Variants in XPO1 observed in about 807,000 individuals in gnomAD.
The protein encoded by XPO1 is exportin-1.
XPO1 carries 5 observed loss-of-function variants against 133.3 expected under a neutral mutation model. The ratio of observed to expected loss-of-function variants is 0.04; its 90% CI spans 0.02 to 0.08. The LOEUF (loss-of-function observed/expected upper bound fraction) is 0.08, where lower values mean the gene tolerates loss of function less well. Ranked by LOEUF, XPO1 falls within the 10% of genes least tolerant of loss-of-function variation. The probability of loss-of-function intolerance (pLI) is 1.00; values close to 1 mark genes in which losing one functional copy is unlikely to be tolerated. For synonymous variants in XPO1, 419 were observed against 408.2 expected (o/e 1.03, Z -0.32); for missense variants, 506 against 1,267.5 (o/e 0.40, Z 9.12).
intron 11 of XPO1, 82 bp from the exon 12 acceptor site, chr2:61,494,173 G>A (rs1319907067): frequency 7.7e-7 from 1 of 1,291,396 alleles, no homozygotes; most frequent in Non-Finnish European, 1.1e-6. Flanking sequence ...CACCTTAAGG[G>A]AAAATAAAAA....
intron 4 of XPO1, among the ~76,000 whole-genome samples, chr2:61,521,103 A>G (rs899934037): frequency 5.9e-5 from 9 of 152,222 alleles, no homozygotes; most frequent in Non-Finnish European, 1.5e-5. Context: ...AACCTCTTTT[A>G]GGGCACATTA....
intron 1 of XPO1, among the ~76,000 whole-genome samples, chr2:61,535,221 G>C (rs1017803722): frequency 6.6e-6 from 1 of 152,058 alleles, no homozygotes; most frequent in Non-Finnish European, 1.5e-5. Flanking sequence ...AAACCTAATT[G>C]GTTAAGTCAG....
intron 21 of XPO1, 184 bp downstream of exon 21, chr2:61,483,753 C>G (rs1254972739): frequency 1.6e-6 from 1 of 614,110 alleles, no homozygotes; most frequent in Non-Finnish European, 2.7e-6. Flanking sequence ...TCAATTCTGC[C>G]TATGGACTCA....
intron 4 of XPO1, among the ~76,000 whole-genome samples, chr2:61,514,319 G>C (rs1282246940): frequency 1.3e-5 from 2 of 152,236 alleles, no homozygotes; most frequent in East Asian, 3.9e-4. Flanking sequence ...AAGGCTGGGC[G>C]TGGTGGCTCA....
At position 61,528,733 on chromosome 2, in the gene XPO1, T is replaced by A. The variant is rs866135929; in HGVS notation, c.127-2212A>T. ...AGATCCAGCCATGTCGACATTTTAT[T>A]TATATATATATATATATATATATAT... is the stretch of plus-strand genomic sequence containing the variant. On this transcript the variant is annotated intron_variant, in intron 2 of 24. Coordinates refer to ENST00000401558, the MANE Select transcript of XPO1 (RefSeq NM_003400.4). 6.0e-4 allele frequency among the ~76,000 whole-genome samples: 70 copies of A among 115,736 alleles called. 1 individual carries two copies. Among genetic ancestry groups the A allele is most frequent in the Middle Eastern group, 4.4e-3 (1 of 228 alleles). The allele number at this position is 115,736 out of a possible 152,430, so 75.9% of individuals were successfully genotyped here.
chr2:61,486,057 A>T (rs2104354229), intron 19 of XPO1, 95 bp from the exon 20 acceptor site: 1 of 1,155,442 alleles, frequency 8.7e-7, no homozygotes, highest in Non-Finnish European at 1.2e-6. Flanking sequence ...ATGTAGCATG[A>T]TCATCTACTG....
chr2:61,535,911 T>C (rs1005781557), intron 1 of XPO1, among the ~76,000 whole-genome samples: 6 of 152,232 alleles, frequency 3.9e-5, no homozygotes, highest in African/African-American at 1.4e-4. Context: ...ACAATCTTAA[T>C]TATTTGAGGC....
At position 61,478,718 on chromosome 2, in the gene XPO1, A is replaced by G; in HGVS notation, c.*102T>C. On this transcript the variant is annotated 3_prime_UTR_variant, in exon 25 of 25. Coordinates refer to ENST00000401558, the MANE Select transcript of XPO1 (RefSeq NM_003400.4). ...ATAAGAAAAAGGGCCACTAGGTGAC[A>G]TTTTAATTTACAAATTGGCATCATT... 1 of 1,284,348 alleles carries G rather than the reference A, an allele frequency of 7.8e-7. No homozygotes were observed. Among genetic ancestry groups the G allele is most frequent in the Non-Finnish European group, 1.1e-6 (1 of 949,114 alleles). The allele number at this position is 1,284,348 out of a possible 1,614,324, so 79.6% of individuals were successfully genotyped here.
chr2:61,532,537 A>G lies in XPO1; in HGVS notation c.126+1235T>C, dbSNP rs192174606. Among the ~76,000 whole-genome samples, 415 of 151,964 alleles carry G rather than the reference A, an allele frequency of 2.7e-3. 1 individual carries two copies. The highest frequency in any genetic ancestry group is 9.3e-3 in the African/African-American group (387 of 41,432). ...AGAAATCTACTGTTCTGGCAACAAAACTACCATAAAAGATTTCTGGCCAGG... is the reference window on the plus strand; with the variant it reads ...AGAAATCTACTGTTCTGGCAACAAAGCTACCATAAAAGATTTCTGGCCAGG... On this transcript the variant is annotated intron_variant, in intron 2 of 24. Transcript: ENST00000401558.
At chr2:61,495,385 A>AG (rs150416626) in intron 11 of XPO1, 70 bp downstream of exon 11, 2 of 1,195,464 alleles carry the variant, frequency 1.7e-6, no homozygotes, top group African/African-American at 6.6e-5. Context: ...TACATTTTAG[A>AG]AAAAGGCACT....
At chr2:61,487,771 A>T (rs552398265) in intron 19 of XPO1, among the ~76,000 whole-genome samples, 52 of 152,202 alleles carry the variant, frequency 3.4e-4, no homozygotes, top group Admixed American at 5.9e-4. Flanking sequence ...TCAGGCCTTT[A>T]ATCTGGGAAG....
chr2:61,483,660 C>G (rs1050152801), intron 21 of XPO1: 1 of 297,710 alleles, frequency 3.4e-6, no homozygotes, highest in Non-Finnish European at 6.1e-6. Flanking sequence ...TCAGCTGATT[C>G]TATATGAACT....
chr2:61,527,105 G>A (rs1277616346), intron 2 of XPO1, among the ~76,000 whole-genome samples: 1 of 152,112 alleles, frequency 6.6e-6, no homozygotes, highest in Non-Finnish European at 1.5e-5. Flanking sequence ...AAACTGAACT[G>A]CATTTCAACC....
chr2:61,491,989 C>T lies in XPO1; in HGVS notation c.1887+46G>A, dbSNP rs369850869. 1.5e-5 allele frequency: 24 copies of T among 1,600,366 alleles called. No individual in the cohort carries two copies. The African/African-American group carries it at 2.5e-4, about 17-fold the overall frequency. ...TTCCATTGATACATACAGATTGATA[C>T]AAGTGTTACTTTCTAAAAATAACAT... On this transcript the variant is annotated intron_variant, in intron 16 of 24. Transcript: ENST00000401558.
chr2:61,488,418 C>A, intron 18 of XPO1, 147 bp from the exon 19 acceptor site: 1 of 1,196,318 alleles, frequency 8.4e-7, no homozygotes, highest in Non-Finnish European at 1.2e-6. Context: ...AGCTTTAAGA[C>A]TAATTTTAAA....
At chr2:61,500,681 C>A (rs1697467746) in intron 6 of XPO1, among the ~76,000 whole-genome samples, 1 of 151,620 alleles carries the variant, frequency 6.6e-6, no homozygotes, top group Admixed American at 6.6e-5. Flanking sequence ...GGCCAGTAGT[C>A]TCAGCTACTG....
At chr2:61,536,308 G>T (rs1362631789) in intron 1 of XPO1, 2 of 152,176 alleles carry the variant, frequency 1.3e-5, no homozygotes, top group African/African-American at 4.8e-5. Context: ...TCCACTAACA[G>T]CAGTGTCCCA....
At chr2:61,501,728 A>AAAAAAAAAAAAAAAAAAAAAAAAAAAAG (rs1558649299) in intron 6 of XPO1, among the ~76,000 whole-genome samples, 8 of 138,234 alleles carry the variant, frequency 5.8e-5, no homozygotes, top group African/African-American at 1.6e-4. Context: ...CTCCAAAAAA[A>AAAAAAAAAAAAAAAAAAAAAAAAAAAAG]AAAAAAAAAG....
intron 21 of XPO1, chr2:61,483,315 G>A (rs1218187064): frequency 2.1e-6 from 1 of 465,160 alleles, no homozygotes; most frequent in East Asian, 4.0e-5. Context: ...GAGCTAAACT[G>A]TGAAGATGTA....
Sources: gnomAD v4.1 joint callset for allele counts (sites outside exome capture counted in the v4.1 genomes callset) on GRCh38, gnomAD v4.1.1 for gene constraint, MANE v1.5 for transcripts, NCBI Gene and HGNC (gene_info 2026-07-23, HGNC 2026-07-21) for gene names.